GRAMD2B: variants seen among roughly 807,000 people sequenced by gnomAD.
GRAMD2B encodes GRAM domain-containing protein 2B.
GRAMD2B carries 41 observed loss-of-function variants against 59.2 expected under a neutral mutation model. The observed-to-expected ratio is 0.69, with a 90% CI of 0.54 to 0.90. The LOEUF is 0.90. Among genes scored for constraint, GRAMD2B ranks in the 40% least tolerant of loss-of-function variants. GRAMD2B has a pLI of 0.00. For synonymous variants in GRAMD2B, 161 were observed against 182.7 expected (o/e 0.88, Z 0.96); for missense variants, 424 against 500.5 (o/e 0.85, Z 1.46).
chr5:126,479,514 A>G (rs192076003), intron 6 of GRAMD2B, among the ~76,000 whole-genome samples: 19 of 152,328 alleles, frequency 1.2e-4, no homozygotes, highest in African/African-American at 4.3e-4. Flanking sequence ...CCATGCACTA[A>G]TGCTTTTTTT....
chr5:126,398,090 C>A (rs992903975), intron 1 of GRAMD2B, among the ~76,000 whole-genome samples: 1 of 142,978 alleles, frequency 7.0e-6, no homozygotes, highest in African/African-American at 2.6e-5. Flanking sequence ...GTGGTATGAC[C>A]ATAGCTCACT....
intron 1 of GRAMD2B, among the ~76,000 whole-genome samples, chr5:126,461,701 G>A (rs1767399368): frequency 1.3e-5 from 2 of 152,226 alleles, no homozygotes; most frequent in Non-Finnish European, 2.9e-5. Context: ...ACGGGAGGCT[G>A]AGGCAGGAGA....
intron 1 of GRAMD2B, among the ~76,000 whole-genome samples, chr5:126,400,902 T>C (rs1228156009): frequency 6.6e-6 from 1 of 152,152 alleles, no homozygotes; most frequent in Non-Finnish European, 1.5e-5. Flanking sequence ...TTGATCATAA[T>C]GTGTCTCCAT....
chr5:126,420,203 G>A (rs1317178685), upstream of GRAMD2B, among the ~76,000 whole-genome samples: 3 of 152,012 alleles, frequency 2.0e-5, no homozygotes, highest in African/African-American at 7.3e-5. Flanking sequence ...ACATATTTTA[G>A]GCATAATCTT....
chr5:126,383,354 T>C (rs953756924), intron 1 of GRAMD2B, among the ~76,000 whole-genome samples: 1 of 152,226 alleles, frequency 6.6e-6, no homozygotes, highest in African/African-American at 2.4e-5. Flanking sequence ...AGTTGCCTCC[T>C]TGTGTAATTA....
chr5:126,384,776 A>T (rs1216300567), intron 1 of GRAMD2B, among the ~76,000 whole-genome samples: 4 of 152,370 alleles, frequency 2.6e-5, no homozygotes, highest in South Asian at 2.1e-4. Flanking sequence ...ATACTCTGGC[A>T]GGGTAAATTC....
Position 126,416,592 on chromosome 5 carries a change from C to G in GRAMD2B, c.125+45025C>G, listed in dbSNP as rs149818792. Among the ~76,000 whole-genome samples the G allele has an allele frequency of 4.9e-3, 740 of 152,300 alleles. 8 individuals are homozygous for G. Among genetic ancestry groups the G allele is most frequent in the African/African-American group, 0.017 (706 of 41,568 alleles). ...AGAGGACAGATAATAAACCAAGGGA[C>G]AGAAAACATCTTCTCTGAGATTCCA... is the stretch of plus-strand genomic sequence containing the variant. On this transcript the variant is annotated intron_variant, in intron 1 of 8. Coordinates refer to the GRAMD2B transcript ENST00000506445.
intron 8 of GRAMD2B, among the ~76,000 whole-genome samples, chr5:126,481,188 C>T (rs1289415547): frequency 1.3e-5 from 1 of 78,356 alleles, no homozygotes; most frequent in Non-Finnish European, 2.3e-5. Context: ...TCAGAATTAA[C>T]TGTAAAAAAA....
At chr5:126,429,670 A>G (rs1761241663) in intron 1 of GRAMD2B, among the ~76,000 whole-genome samples, 1 of 152,172 alleles carries the variant, frequency 6.6e-6, no homozygotes, top group Non-Finnish European at 1.5e-5. Flanking sequence ...AGGTGGGAGG[A>G]TGACATGAAA....
In GRAMD2B at chr5:126,423,460, G is replaced by A. The variant is rs916816039; in HGVS notation, c.-147G>A. 3 of 1,427,636 alleles carry A rather than the reference G, an allele frequency of 2.1e-6. No individual in the cohort carries two copies. The highest frequency in any genetic ancestry group is 5.9e-5 in the East Asian group (2 of 34,082). The allele number at this position is 1,427,636 out of a possible 1,614,324, so 88.4% of individuals were successfully genotyped here. Reference sequence around the variant, plus strand: ...GTCCGCGGCCCCGGGAGCTTGGCGCGGCCCGGCCTGGATGCGCTGGGCGGA... The same window carrying A: ...GTCCGCGGCCCCGGGAGCTTGGCGCAGCCCGGCCTGGATGCGCTGGGCGGA... On this transcript the variant is annotated 5_prime_UTR_variant, in exon 1 of 14. Transcript: ENST00000285689.
At chr5:126,480,793 TGGG>T in intron 8 of GRAMD2B, 86 bp downstream of exon 8, 4 of 1,261,280 alleles carry the variant, frequency 3.2e-6, no homozygotes, top group Non-Finnish European at 4.6e-6. Flanking sequence ...GACCAGGGTG[TGGG>T]AAGAGCTTAG....
chr5:126,452,402 T>C (rs1174115213), intron 1 of GRAMD2B, among the ~76,000 whole-genome samples: 1 of 152,210 alleles, frequency 6.6e-6, no homozygotes, highest in East Asian at 1.9e-4. Context: ...TGTAAATGTT[T>C]GGTGGACACA....
intron 1 of GRAMD2B, among the ~76,000 whole-genome samples, chr5:126,447,619 G>C (rs1320686524): frequency 1.0e-4 from 15 of 149,786 alleles, no homozygotes; most frequent in East Asian, 5.9e-4. Context: ...AGCCGAGATC[G>C]TGCCACTGCA....
upstream of GRAMD2B, among the ~76,000 whole-genome samples, chr5:126,420,407 C>A (rs1303749987): frequency 1.3e-5 from 2 of 152,146 alleles, no homozygotes; most frequent in African/African-American, 4.8e-5. Context: ...AAGCAAACAT[C>A]AGTAGGTAAA....
At chr5:126,452,758 C>T (rs1329086213) in intron 1 of GRAMD2B, among the ~76,000 whole-genome samples, 1 of 152,176 alleles carries the variant, frequency 6.6e-6, no homozygotes, top group East Asian at 1.9e-4. Flanking sequence ...CTGAAGTTCT[C>T]ATCCTCACAG....
At chr5:126,412,537 C>G (rs1758897483) in intron 1 of GRAMD2B, among the ~76,000 whole-genome samples, 1 of 151,972 alleles carries the variant, frequency 6.6e-6, no homozygotes, top group African/African-American at 2.4e-5. Context: ...ATTTTTGCAT[C>G]TATGTTCATC....
chr5:126,455,238 G>A (rs2126709579), intron 1 of GRAMD2B, among the ~76,000 whole-genome samples: 1 of 152,210 alleles, frequency 6.6e-6, no homozygotes, highest in Middle Eastern at 3.4e-3. Flanking sequence ...TCCTCCAGAA[G>A]CCCATAGCTC....
chr5:126,392,859 A>G (rs993085193), intron 1 of GRAMD2B, among the ~76,000 whole-genome samples: 2 of 152,286 alleles, frequency 1.3e-5, no homozygotes, highest in East Asian at 3.9e-4. Context: ...TTGTGCTCCT[A>G]TGAGAATCTA....
At chr5:126,468,694 G>A (rs529412480) in intron 2 of GRAMD2B, among the ~76,000 whole-genome samples, 2 of 151,876 alleles carry the variant, frequency 1.3e-5, no homozygotes, top group Non-Finnish European at 2.9e-5. Flanking sequence ...CGCTATGTTG[G>A]CCAGGCCGGT....
Sources: allele counts gnomAD v4.1 joint callset (sites outside exome capture counted in the v4.1 genomes callset), GRCh38; gene constraint gnomAD v4.1.1; transcripts MANE v1.5; gene names NCBI Gene and HGNC (gene_info 2026-07-23, HGNC 2026-07-21).